The following MYRFL variants were observed in gnomAD, a reference collection of about 807,000 sequenced individuals.
The protein encoded by MYRFL is myelin regulatory factor like, also known as myelin regulatory factor-like protein.
Under a neutral mutation model 109.4 loss-of-function variants are expected in MYRFL, and 88 were observed. The observed-to-expected ratio is 0.80, with a 90% CI of 0.68 to 0.96. The LOEUF is 0.96. Ranked by LOEUF, MYRFL falls within the 40% of genes least tolerant of loss-of-function variation. The pLI is 0.00. For missense variants in MYRFL, 957 were observed against 954.9 expected (o/e 1.00, Z -0.03); for synonymous variants, 324 against 320.9 (o/e 1.01, Z -0.10).
chr12:69,894,664 T>G (rs1370246534), intron 8 of MYRFL, among the ~76,000 whole-genome samples: 3 of 152,260 alleles, frequency 2.0e-5, no homozygotes, highest in Non-Finnish European at 2.9e-5. Context: ...GCTGGTAGTA[T>G]GCAAAGCAAT....
intron 2 of MYRFL, among the ~76,000 whole-genome samples, chr12:69,870,614 A>G (rs1885299340): frequency 6.6e-6 from 1 of 152,190 alleles, no homozygotes; most frequent in South Asian, 2.1e-4. Flanking sequence ...TCTTGTTTTA[A>G]CAATTTGGTC....
Position 69,958,765 on chromosome 12 carries a change from C to T in MYRFL, c.*234C>T, listed in dbSNP as rs1482070865. On this transcript the variant is annotated 3_prime_UTR_variant, in exon 25 of 25. Transcript: ENST00000552032. ...GATTTTGCCATGACTATGAAGAAAA[C>T]ATTTCCTGGAGCAAACAGTTCTGTT... 1.1e-5 allele frequency: 5 copies of T among 454,136 alleles called. No homozygotes were observed. Among genetic ancestry groups the T allele is most frequent in the Non-Finnish European group, 1.9e-5 (5 of 259,190 alleles). 28.1% of individuals were successfully genotyped at this position (454,136 alleles called of 1,614,324 possible). A position where few individuals can be genotyped will look rare whatever the true frequency, so the allele number is the denominator to read the frequency against.
At chr12:69,841,671 T>C (rs981676072) in intron 1 of MYRFL, among the ~76,000 whole-genome samples, 30 of 152,180 alleles carry the variant, frequency 2.0e-4, no homozygotes, top group African/African-American at 7.2e-4. Context: ...AGTTGTAGCC[T>C]TGTTGACCCC....
intron 14 of MYRFL, 122 bp from the exon 15 acceptor site, chr12:69,927,563 T>C (rs534399971): frequency 1.4e-6 from 1 of 698,498 alleles, no homozygotes; most frequent in African/African-American, 1.8e-5. Context: ...ACTTTTTGTT[T>C]TCAAAATATC....
At position 69,893,921 on chromosome 12, in the gene MYRFL, AT is replaced by A. The variant is rs548159198; in HGVS notation, c.980+84del. On this transcript the variant is annotated intron_variant, in intron 8 of 24. Coordinates refer to ENST00000552032, the MANE Select transcript of MYRFL (RefSeq NM_182530.3). Reference sequence around the variant, plus strand: ...TTGTTTTTTATATATATATAATTTTATTTATTATCTAATATATTTTGCTTAT... The same window carrying A: ...TTGTTTTTTATATATATATAATTTTATTATTATCTAATATATTTTGCTTAT... The A allele has an allele frequency of 7.5e-4, 279 of 373,016 alleles. 1 individual carries two copies. Among genetic ancestry groups the A allele is most frequent in the Admixed American group, 1.0e-3 (19 of 18,910 alleles). 23.1% of individuals were successfully genotyped at this position (373,016 alleles called of 1,614,324 possible).
chr12:69,864,852 C>T (rs1252860857), intron 2 of MYRFL, among the ~76,000 whole-genome samples: 6 of 152,260 alleles, frequency 3.9e-5, no homozygotes, highest in Admixed American at 2.0e-4. Flanking sequence ...ATGGATATAT[C>T]CTTTTCTCTG....
rs371993945 is a variant in MYRFL, at chr12:69,838,653, G to GA, written c.46+13096dup. Reference sequence around the variant, plus strand: ...ATTAACATTAATGTGTGTTGTCGAAGAAAAAATGTATGTAACATAAAAGTT... The same window carrying GA: ...ATTAACATTAATGTGTGTTGTCGAAGAAAAAAATGTATGTAACATAAAAGTT... On this transcript the variant is annotated intron_variant, in intron 1 of 24. Transcript: ENST00000552032. Among the ~76,000 whole-genome samples, 555 of 152,180 alleles carry GA rather than the reference G, an allele frequency of 3.6e-3. 3 individuals carry two copies. Among genetic ancestry groups the GA allele is most frequent in the African/African-American group, 0.013 (529 of 41,516 alleles).
intron 7 of MYRFL, among the ~76,000 whole-genome samples, chr12:69,892,533 C>T (rs546576513): frequency 6.6e-6 from 1 of 152,300 alleles, no homozygotes; most frequent in East Asian, 1.9e-4. Flanking sequence ...GCTTCTGCCT[C>T]CCAAAGTGTT....
At chr12:69,870,324 C>T (rs192514365) in intron 2 of MYRFL, among the ~76,000 whole-genome samples, 3 of 151,426 alleles carry the variant, frequency 2.0e-5, no homozygotes, top group South Asian at 2.1e-4. Flanking sequence ...GTGATCCACC[C>T]GCCTCGGCCT....
At chr12:69,939,860 A>G (rs946723764) in intron 19 of MYRFL, among the ~76,000 whole-genome samples, 1 of 152,182 alleles carries the variant, frequency 6.6e-6, no homozygotes. Flanking sequence ...GAGCTGATGG[A>G]GCTGAAAACC....
chr12:69,833,045 G>A (rs73132941), intron 1 of MYRFL, among the ~76,000 whole-genome samples: 4,541 of 151,744 alleles, frequency 0.03, 105 homozygotes, highest in Non-Finnish European at 0.042. Flanking sequence ...CAACCAAGTG[G>A]AAGCGATGAG....
chr12:69,933,094 T>G (rs1056550931), intron 16 of MYRFL, among the ~76,000 whole-genome samples: 1 of 152,212 alleles, frequency 6.6e-6, no homozygotes, highest in Non-Finnish European at 1.5e-5. Flanking sequence ...AGATATACCA[T>G]GTGATGGAAT....
intron 1 of MYRFL, among the ~76,000 whole-genome samples, chr12:69,850,171 A>G (rs1265359520): frequency 2.0e-5 from 3 of 152,184 alleles, no homozygotes; most frequent in Non-Finnish European, 2.9e-5. Context: ...ACCTTCCACC[A>G]TGATTGTGAG....
chr12:69,936,565 A>G lies in MYRFL; in HGVS notation c.2157A>G (p.Lys719=), dbSNP rs1431728418. 4.6e-6 allele frequency: 7 copies of G among 1,536,114 alleles called. No homozygotes were observed. Among genetic ancestry groups the G allele is most frequent in the African/African-American group, 2.7e-5 (2 of 73,064 alleles). The change falls in exon 19 of 25, where the codon AAA becomes AAG. Residue 719 remains lysine, a synonymous_variant. Coordinates refer to ENST00000552032, the MANE Select transcript of MYRFL (RefSeq NM_182530.3). ...ATTGCTGCCCCATCCGGGGAATGAAAGAAGTCTCTTCAAGTCCTGTGCAAA... is the reference window on the plus strand; with the variant it reads ...ATTGCTGCCCCATCCGGGGAATGAAGGAAGTCTCTTCAAGTCCTGTGCAAA... ...ETYCCPIRGM[K]EVSSSPVQRQ... is the part of the protein sequence containing the mutation.
intron 2 of MYRFL, among the ~76,000 whole-genome samples, chr12:69,876,959 G>C (rs1437250541): frequency 1.3e-5 from 2 of 148,964 alleles, no homozygotes; most frequent in Non-Finnish European, 3.0e-5. Context: ...TGGGGTGATG[G>C]AGGTAGCTTT....
At chr12:69,865,768 TC>T (rs1457482496) in intron 2 of MYRFL, among the ~76,000 whole-genome samples, 3 of 152,124 alleles carry the variant, frequency 2.0e-5, no homozygotes, top group Non-Finnish European at 4.4e-5. Flanking sequence ...CCCATAGGCT[TC>T]CCCCTTGCTA....
At chr12:69,878,215 C>G (rs1469041954) in intron 2 of MYRFL, among the ~76,000 whole-genome samples, 1 of 133,766 alleles carries the variant, frequency 7.5e-6, no homozygotes, top group East Asian at 2.3e-4. Context: ...TGTACTCCAG[C>G]CTGGGTAACA....
rs1290457279 is a variant in MYRFL, at chr12:69,937,607, A to G, written c.2224+975A>G. ...TAAAGCTTCCACCTATGTATAACACATATCACCTCTGCTTATACTTCATTG... is the reference window on the plus strand; with the variant it reads ...TAAAGCTTCCACCTATGTATAACACGTATCACCTCTGCTTATACTTCATTG... On this transcript the variant is annotated intron_variant, in intron 19 of 24. Coordinates refer to ENST00000552032, the MANE Select transcript of MYRFL (RefSeq NM_182530.3). Among the ~76,000 whole-genome samples the G allele has an allele frequency of 3.3e-5, 5 of 152,224 alleles. No homozygotes were observed. The South Asian group carries it at 1.0e-3, about 32-fold the overall frequency.
At chr12:69,862,048 C>T (rs1396672123) in intron 2 of MYRFL, among the ~76,000 whole-genome samples, 1 of 149,988 alleles carries the variant, frequency 6.7e-6, no homozygotes, top group Non-Finnish European at 1.5e-5. Context: ...TGTCAAAGAT[C>T]AGATAGTTGT....
Sources: allele counts gnomAD v4.1 joint callset (sites outside exome capture counted in the v4.1 genomes callset), GRCh38; gene constraint gnomAD v4.1.1; transcripts MANE v1.5; gene names NCBI Gene and HGNC (gene_info 2026-07-23, HGNC 2026-07-21).